NCOR1: variants seen among roughly 807,000 people sequenced by gnomAD.
The protein encoded by NCOR1 is protein phosphatase 1, regulatory subunit 109.
In NCOR1, 63 loss-of-function variants were observed where a neutral mutation model predicts 288.1. That is an observed-to-expected ratio of 0.22 (90% confidence interval 0.18 to 0.27). NCOR1 has a LOEUF of 0.27. Ranked by LOEUF, NCOR1 falls within the 10% of genes least tolerant of loss-of-function variation. The pLI, the probability that NCOR1 is intolerant of heterozygous loss-of-function variation, is 1.00. For synonymous variants in NCOR1, 1,007 were observed against 1,065.9 expected, an observed-to-expected ratio of 0.94 and a Z score of 1.08; for missense variants, 2,397 against 3,019.2, an observed-to-expected ratio of 0.79 and a Z score of 4.83.
intron 44 of NCOR1, among the ~76,000 whole-genome samples, chr17:16,037,890 A>G (rs540044696): frequency 4.6e-5 from 7 of 152,222 alleles, no homozygotes; most frequent in Non-Finnish European, 1.0e-4. Flanking sequence ...CCAGGTCATC[A>G]GCAAATTTTT....
chr17:16,184,433 G>A (rs993512170), intron 3 of NCOR1, among the ~76,000 whole-genome samples: 2 of 152,114 alleles, frequency 1.3e-5, no homozygotes, highest in Admixed American at 1.3e-4. Context: ...AAAAGAAAAC[G>A]TAAAAATCAC....
intron 45 of NCOR1, among the ~76,000 whole-genome samples, chr17:16,033,657 A>ATTTT (rs2151811651): frequency 6.6e-6 from 1 of 152,134 alleles, no homozygotes; most frequent in East Asian, 1.9e-4. Context: ...TCCCAGTTTT[A>ATTTT]AAAGTCTGTT....
chr17:16,163,833 T>G (rs995360424), intron 5 of NCOR1, among the ~76,000 whole-genome samples: 11 of 152,146 alleles, frequency 7.2e-5, no homozygotes, highest in Non-Finnish European at 1.3e-4. Context: ...AGTAATGAAG[T>G]GCTGACACAA....
chr17:16,133,259 G>A (rs778362164), intron 14 of NCOR1, among the ~76,000 whole-genome samples: 8 of 152,128 alleles, frequency 5.3e-5, no homozygotes, highest in Non-Finnish European at 1.0e-4. Flanking sequence ...GTGAGCCATC[G>A]CACCCAGCCA....
chr17:16,188,807 T>A (rs1211257779), intron 2 of NCOR1, among the ~76,000 whole-genome samples: 3 of 151,050 alleles, frequency 2.0e-5, no homozygotes, highest in Non-Finnish European at 4.4e-5. Context: ...GGCGGATCCC[T>A]TGAGGTCAGG....
chr17:16,156,362 G>C (rs1451316130), intron 6 of NCOR1, among the ~76,000 whole-genome samples: 2 of 151,814 alleles, frequency 1.3e-5, no homozygotes, highest in Non-Finnish European at 2.9e-5. Context: ...CTTGAACCTG[G>C]GAGGTGGAGG....
chr17:16,094,835 G>A (rs1048956063), intron 21 of NCOR1, among the ~76,000 whole-genome samples: 2 of 152,116 alleles, frequency 1.3e-5, no homozygotes, highest in East Asian at 1.9e-4. Context: ...CTGAGGTGCC[G>A]GGATTGCAGA....
intron 41 of NCOR1, among the ~76,000 whole-genome samples, chr17:16,048,124 C>A (rs1013669149): frequency 6.6e-6 from 1 of 152,202 alleles, no homozygotes; most frequent in African/African-American, 2.4e-5. Flanking sequence ...AGTATCAGTA[C>A]GACCATGAGC....
rs1459616876 is a variant in NCOR1, at chr17:16,031,341, G to T, written c.*955C>A. On this transcript the variant is annotated 3_prime_UTR_variant, in exon 46 of 46. Coordinates refer to ENST00000268712, the MANE Select transcript of NCOR1 (RefSeq NM_006311.4). ...TATATTCAAACTAAGGGAAAAATAT[G>T]TAAGCTTTTCCTTTGGAACCTGAGA... 5.3e-6 allele frequency: 1 copy of T among 189,398 alleles called. No homozygotes were observed. The highest frequency in any genetic ancestry group is 8.5e-5 in the East Asian group (1 of 11,800). 11.7% of individuals were successfully genotyped at this position (189,398 alleles called of 1,614,324 possible).
At chr17:16,213,728 A>C (rs2092341344) in intron 1 of NCOR1, among the ~76,000 whole-genome samples, 1 of 152,130 alleles carries the variant, frequency 6.6e-6, no homozygotes, top group African/African-American at 2.4e-5. Flanking sequence ...AGCCAACCCT[A>C]GGAGAGTAGA....
intron 22 of NCOR1, chr17:16,087,071 A>C (rs2064352814): frequency 1.2e-6 from 1 of 851,352 alleles, no homozygotes; most frequent in Non-Finnish European, 1.6e-6. Flanking sequence ...AACAGCAAGG[A>C]CACGTCCTGG....
chr17:16,073,212 T>C lies in NCOR1; in HGVS notation c.3811+217A>G, dbSNP rs1003243319. Among the ~76,000 whole-genome samples, 11 of 152,192 alleles carry C rather than the reference T, an allele frequency of 7.2e-5. No homozygotes were observed. In the East Asian group the frequency reaches 1.5e-3, roughly 21 times the overall value. ...ATGATATGACCAATTACGCTTAAAT[T>C]TGACTTCCTTCCATTGTTATGTGCC... On this transcript the variant is annotated intron_variant, in intron 28 of 45. Transcript: ENST00000268712.
In NCOR1 at chr17:16,071,664, C is replaced by T; in HGVS notation, c.3897G>A (p.Gly1299=). 1 of 1,606,756 alleles carries T rather than the reference C, an allele frequency of 6.2e-7. No homozygotes were observed. Among genetic ancestry groups the T allele is most frequent in the Non-Finnish European group, 8.5e-7 (1 of 1,176,706 alleles). The part of the protein sequence containing the change: ...RTVLSGSIMQ[G]TPRATTESFE... ...AGCTTTCAGTTGTTGCTCTTGGTGT[C>T]CCTTGAAAAAGAATTCAGGAAACAT... Residue 1299 remains glycine (G), a splice_region_variant and synonymous_variant, in exon 30 of 46, where the codon GGG becomes GGA. Coordinates refer to ENST00000268712, the MANE Select transcript of NCOR1 (RefSeq NM_006311.4).
chr17:16,083,580 A>G (rs1246954996), intron 23 of NCOR1, among the ~76,000 whole-genome samples: 2 of 149,100 alleles, frequency 1.3e-5, no homozygotes, highest in East Asian at 3.9e-4. Context: ...TGGGTGGTTC[A>G]TGGTTTTTTT....
chr17:16,040,467 A>C lies in NCOR1; in HGVS notation c.6707T>G (p.Phe2236Cys). Residue 2236 changes from phenylalanine to cysteine, a missense_variant, in exon 43 of 46, where the codon TTT becomes TGT. Transcript: ENST00000268712. The stretch of plus-strand genomic sequence containing the variant: ...TGACGTAGTAACTGCTGGCAGATTA[A>C]AGATCTCAGTTCCTGGCTGAGCAGC... ...MAAAQPGTEI[F>C]NLPAVTTSGS... 6.2e-7 allele frequency: 1 copy of C among 1,613,828 alleles called. No homozygotes were observed. Among genetic ancestry groups the C allele is most frequent in the South Asian group, 1.1e-5 (1 of 91,028 alleles).
In NCOR1 at chr17:16,137,377, G is replaced by C; in HGVS notation, c.1443C>G (p.Thr481=). 6 of 1,590,846 alleles carry C rather than the reference G, an allele frequency of 3.8e-6. No homozygotes were observed. Among genetic ancestry groups the C allele is most frequent in the Non-Finnish European group, 5.1e-6 (6 of 1,166,232 alleles). Residue 481 remains threonine (T), a synonymous_variant, in exon 14 of 46, where the codon ACC becomes ACG. Transcript: ENST00000268712. The part of the protein sequence containing the change: ...VPDCVLYYYL[T]KKNENYKALV... ...GGGCTTTATAATTCTCATTTTTCTT[G>C]GTTAAATAGTAATACAAAACACAAT...
In NCOR1 at chr17:16,071,611, T is replaced by G; in HGVS notation, c.3950A>C (p.Gln1317Pro). The G allele has an allele frequency of 1.9e-6, 3 of 1,614,130 alleles. No individual in the cohort carries two copies. Among genetic ancestry groups the G allele is most frequent in the Non-Finnish European group, 2.5e-6 (3 of 1,180,028 alleles). ...TATGGGAGGACTTTCCCTTTTAATTTGTTTGGGATATTTAAGGCCATCTTC... is the reference window on the plus strand; with the variant it reads ...TATGGGAGGACTTTCCCTTTTAATTGGTTTGGGATATTTAAGGCCATCTTC... Reference protein sequence around the residue: ...SFEDGLKYPKQIKRESPPIRA... With the variant: ...SFEDGLKYPKPIKRESPPIRA... The change falls in exon 30 of 46, where the codon CAA becomes CCA. Residue 1317 changes from glutamine (Q) to proline (P), a missense_variant. Physicochemically the swap from Gln to Pro is moderately conservative, Grantham distance 76. Coordinates refer to ENST00000268712, the MANE Select transcript of NCOR1 (RefSeq NM_006311.4).
At chr17:16,185,307 T>C (rs895403344) in intron 3 of NCOR1, among the ~76,000 whole-genome samples, 1 of 152,154 alleles carries the variant, frequency 6.6e-6, no homozygotes, top group Non-Finnish European at 1.5e-5. Flanking sequence ...GATATGCTAA[T>C]TTGCTTCACC....
At chr17:16,071,308 G>T in intron 30 of NCOR1, 101 bp downstream of exon 30, 1 of 1,462,026 alleles carries the variant, frequency 6.8e-7, no homozygotes, top group Non-Finnish European at 9.2e-7. Flanking sequence ...TTACTTCCAG[G>T]AGGTCTGACA....
Sources: allele counts gnomAD v4.1 joint callset (sites outside exome capture counted in the v4.1 genomes callset), GRCh38; gene constraint gnomAD v4.1.1; transcripts MANE v1.5; gene names NCBI Gene and HGNC (gene_info 2026-07-23, HGNC 2026-07-21).